Variants in CSMD2 observed in about 807,000 individuals in gnomAD.
CSMD2 encodes CUB and sushi domain-containing protein 2.
CSMD2 carries 130 observed loss-of-function variants against 398.5 expected under a neutral mutation model. The observed-to-expected ratio is 0.33, with a 90% CI of 0.28 to 0.38. The LOEUF (loss-of-function observed/expected upper bound fraction) is 0.38, where lower values mean the gene tolerates loss of function less well. Ranked by LOEUF, CSMD2 falls within the 10% of genes least tolerant of loss-of-function variation. CSMD2 has a pLI of 1.00. For synonymous variants in CSMD2, 1,828 were observed against 1,908.5 expected (o/e 0.96, Z 1.10); for missense variants, 3,829 against 4,764.9 (o/e 0.80, Z 5.78).
intron 4 of CSMD2, among the ~76,000 whole-genome samples, chr1:33,930,625 T>A (rs553458080): frequency 6.6e-6 from 1 of 152,320 alleles, no homozygotes; most frequent in East Asian, 1.9e-4. Context: ...CATGCAGCCT[T>A]CTTTGATCCA....
At chr1:34,108,471 AG>A (rs1164400343) in intron 1 of CSMD2, among the ~76,000 whole-genome samples, 1 of 152,180 alleles carries the variant, frequency 6.6e-6, no homozygotes, top group Non-Finnish European at 1.5e-5. Context: ...AGCTAGCCCA[AG>A]TGAGTTGTTG....
intron 3 of CSMD2, among the ~76,000 whole-genome samples, chr1:33,984,880 C>CAGGA (rs1646300015): frequency 6.9e-6 from 1 of 145,494 alleles, no homozygotes; most frequent in African/African-American, 2.8e-5. Context: ...GGCAGGCAGG[C>CAGGA]AGGCAGGAAG....
chr1:33,704,178 G>T (rs1277308788), intron 22 of CSMD2, among the ~76,000 whole-genome samples: 1 of 151,972 alleles, frequency 6.6e-6, no homozygotes, highest in Non-Finnish European at 1.5e-5. Flanking sequence ...AGTTTTATTT[G>T]GTTATAGAAA....
intron 3 of CSMD2, among the ~76,000 whole-genome samples, chr1:33,999,562 A>AT (rs34721676): frequency 0.045 from 6,622 of 147,040 alleles, 207 homozygotes; most frequent in East Asian, 0.15. Context: ...CACCCAGCTA[A>AT]TTTTTTTTTT....
intron 3 of CSMD2, among the ~76,000 whole-genome samples, chr1:33,985,502 A>G (rs544682608): frequency 6.6e-6 from 1 of 152,202 alleles, no homozygotes; most frequent in African/African-American, 2.4e-5. Flanking sequence ...TTGGGAAGGC[A>G]TGGGGCTGGC....
At position 33,606,356 on chromosome 1, in the gene CSMD2, T is replaced by C. The variant is rs115366433; in HGVS notation, c.6344-886A>G. 3.3e-3 allele frequency among the ~76,000 whole-genome samples: 500 copies of C among 152,360 alleles called. 6 individuals carry two copies. The highest frequency in any genetic ancestry group is 0.012 in the African/African-American group (479 of 41,586). ...TTCTTAGAAGTACATGTGTTTCTCATACGTAATAACAACATCAATAACGCG... is the reference window on the plus strand; with the variant it reads ...TTCTTAGAAGTACATGTGTTTCTCACACGTAATAACAACATCAATAACGCG... On this transcript the variant is annotated intron_variant, in intron 41 of 70. Transcript: ENST00000373381.
chr1:33,617,616 C>T lies in CSMD2; in HGVS notation c.5829G>A (p.Thr1943=), dbSNP rs150171514. 7.4e-6 allele frequency: 12 copies of T among 1,612,170 alleles called. No individual in the cohort carries two copies. The highest frequency in any genetic ancestry group is 5.0e-5 in the Admixed American group (3 of 59,990). The part of the protein sequence containing the change: ...SAAGFHLEYK[T]VGLSSCPEPA... The stretch of plus-strand genomic sequence containing the variant: ...GTTCCGGACAACTGCTCAGGCCCAC[C>T]GCTAGACAAGACAGAGACAGAAGGA... The change falls in exon 38 of 71, where the codon ACG becomes ACA. Residue 1943 remains threonine, a splice_region_variant and synonymous_variant. Coordinates refer to ENST00000373381, the MANE Select transcript of CSMD2 (RefSeq NM_001281956.2).
At chr1:34,097,998 G>C (rs1265822200) in intron 1 of CSMD2, among the ~76,000 whole-genome samples, 1 of 119,640 alleles carries the variant, frequency 8.4e-6, no homozygotes, top group Non-Finnish European at 1.7e-5. Context: ...CAATAGCAAA[G>C]ACTTGGAACC....
At chr1:34,128,019 G>T (rs926708551) in intron 1 of CSMD2, among the ~76,000 whole-genome samples, 2 of 152,134 alleles carry the variant, frequency 1.3e-5, no homozygotes, top group South Asian at 4.2e-4. Flanking sequence ...CCCCTTGGCT[G>T]CAGTTCTTGA....
At chr1:33,989,664 A>G (rs1361375655) in intron 3 of CSMD2, among the ~76,000 whole-genome samples, 1 of 152,086 alleles carries the variant, frequency 6.6e-6, no homozygotes, top group African/African-American at 2.4e-5. Flanking sequence ...AAATGAATGA[A>G]CTCCTGATAC....
At chr1:34,165,599 A>AC, upstream of CSMD2, 1 of 636,582 alleles carries the variant, frequency 1.6e-6, no homozygotes, top group Non-Finnish European at 2.8e-6. Context: ...CACACACACA[A>AC]ACACACACAC....
intron 60 of CSMD2, among the ~76,000 whole-genome samples, chr1:33,538,925 G>A (rs142342036): frequency 1.1e-4 from 16 of 152,258 alleles, no homozygotes; most frequent in African/African-American, 3.1e-4. Flanking sequence ...GACTGCCCTC[G>A]GCCCAGCATT....
At chr1:33,877,841 T>C (rs1201219286) in intron 5 of CSMD2, among the ~76,000 whole-genome samples, 1 of 152,040 alleles carries the variant, frequency 6.6e-6, no homozygotes, top group Non-Finnish European at 1.5e-5. Flanking sequence ...TGCCCTCTTT[T>C]CAGGATTGCG....
At chr1:33,725,614 C>A in intron 16 of CSMD2, 78 bp from the exon 17 acceptor site, 4 of 1,346,530 alleles carry the variant, frequency 3.0e-6, no homozygotes, top group Non-Finnish European at 4.2e-6. Flanking sequence ...CCCTGCCTGA[C>A]CCAGGGCTTC....
At chr1:33,826,911 T>A (rs1441687644) in intron 6 of CSMD2, among the ~76,000 whole-genome samples, 1 of 152,206 alleles carries the variant, frequency 6.6e-6, no homozygotes. Flanking sequence ...CCAGGAGTGG[T>A]GACAACAACT....
chr1:34,063,991 C>A (rs551257332), intron 2 of CSMD2, among the ~76,000 whole-genome samples: 76 of 152,314 alleles, frequency 5.0e-4, no homozygotes, highest in Non-Finnish European at 9.6e-4. Context: ...AGCATGAGCC[C>A]TATGTTGGCC....
At chr1:33,822,980 G>A (rs1658330062) in intron 7 of CSMD2, among the ~76,000 whole-genome samples, 2 of 152,188 alleles carry the variant, frequency 1.3e-5, no homozygotes, top group African/African-American at 2.4e-5. Context: ...CTTGCAGCAC[G>A]TGAAGAACAT....
chr1:34,044,894 T>A (rs111768482), intron 2 of CSMD2, among the ~76,000 whole-genome samples: 5 of 152,276 alleles, frequency 3.3e-5, no homozygotes, highest in African/African-American at 1.2e-4. Flanking sequence ...TGGCAAATAG[T>A]GTTTTGATTT....
At chr1:33,817,240 A>C (rs1657572619) in intron 9 of CSMD2, among the ~76,000 whole-genome samples, 1 of 152,214 alleles carries the variant, frequency 6.6e-6, no homozygotes, top group Non-Finnish European at 1.5e-5. Context: ...GAGACTTAGC[A>C]GTCTCTCTTT....
Sources: gnomAD v4.1 joint callset for allele counts (sites outside exome capture counted in the v4.1 genomes callset) on GRCh38, gnomAD v4.1.1 for gene constraint, MANE v1.5 for transcripts, NCBI Gene and HGNC (gene_info 2026-07-23, HGNC 2026-07-21) for gene names.